VAV2: variants seen among roughly 807,000 people sequenced by gnomAD.
VAV2 encodes the protein guanine nucleotide exchange factor VAV2.
In VAV2, 67 loss-of-function variants were observed where a neutral mutation model predicts 132.5. The observed-to-expected ratio is 0.51, with a 90% CI of 0.42 to 0.62. The LOEUF (loss-of-function observed/expected upper bound fraction) is 0.62. Ranked by LOEUF, VAV2 falls within the 20% of genes least tolerant of loss-of-function variation. VAV2 has a pLI of 0.00. For synonymous variants in VAV2, 492 were observed against 443.5 expected (o/e 1.11, Z -1.37); for missense variants, 938 against 1,153.6 (o/e 0.81, Z 2.71).
chr9:133,834,445 CA>C lies in VAV2; in HGVS notation c.381-106del. On this transcript the variant is annotated intron_variant, in intron 3 of 29. Coordinates refer to ENST00000371850, the MANE Select transcript of VAV2 (RefSeq NM_001134398.2). The surrounding 1 kb of genome is among the most constrained non-coding windows in gnomAD (Gnocchi z 5.9). The stretch of plus-strand genomic sequence containing the variant: ...GAGCCCAGTGTGGCCCAGCCAGGAG[CA>C]AAGGGGCTCTTGTCCACTCTCTGGA... The C allele has an allele frequency of 8.6e-7, 1 of 1,168,844 alleles. No homozygotes were observed. The highest frequency in any genetic ancestry group is 1.2e-6 in the Non-Finnish European group (1 of 818,680). The allele number at this position is 1,168,844 out of a possible 1,614,324, so 72.4% of individuals were successfully genotyped here. A position where few individuals can be genotyped will look rare whatever the true frequency, so the allele number is the denominator to read the frequency against.
At chr9:133,968,328 T>C (rs1319327862) in intron 1 of VAV2, among the ~76,000 whole-genome samples, 1 of 152,130 alleles carries the variant, frequency 6.6e-6, no homozygotes, top group Non-Finnish European at 1.5e-5. Context: ...CAATGGCATA[T>C]GTGTATCAAA....
intron 13 of VAV2, 132 bp downstream of exon 13, chr9:133,791,651 G>A (rs925597013): frequency 3.1e-5 from 24 of 773,786 alleles, no homozygotes; most frequent in Non-Finnish European, 3.7e-5. Context: ...AGAAGTTGCC[G>A]GGCACCAGCC....
At chr9:133,778,615 G>T in intron 22 of VAV2, 147 bp downstream of exon 22, 1 of 1,292,922 alleles carries the variant, frequency 7.7e-7, no homozygotes, top group Non-Finnish European at 1.0e-6. Flanking sequence ...GAGAGGCCTT[G>T]CTAGGCCCCC....
At chr9:133,799,031 G>A (rs1290501694) in intron 9 of VAV2, among the ~76,000 whole-genome samples, 3 of 152,228 alleles carry the variant, frequency 2.0e-5, no homozygotes, top group Non-Finnish European at 2.9e-5. Flanking sequence ...TAGGGCACCC[G>A]GCCTGGGGCT....
intron 1 of VAV2, among the ~76,000 whole-genome samples, chr9:133,963,013 G>A (rs955020161): frequency 6.6e-6 from 1 of 152,124 alleles, no homozygotes; most frequent in South Asian, 2.1e-4. Flanking sequence ...TAATGTGATT[G>A]GGTACAGCTT....
chr9:133,792,667 GC>G (rs1834538457), intron 12 of VAV2, among the ~76,000 whole-genome samples: 1 of 84,916 alleles, frequency 1.2e-5, no homozygotes, highest in Non-Finnish European at 2.4e-5. Flanking sequence ...CAGGAGCTCA[GC>G]CCCCAAGGGA....
At chr9:133,954,306 G>A (rs1841671176) in intron 1 of VAV2, among the ~76,000 whole-genome samples, 1 of 152,206 alleles carries the variant, frequency 6.6e-6, no homozygotes, top group Admixed American at 6.5e-5. Context: ...AGGGCCTGCG[G>A]CCCTGCATGC....
chr9:133,960,006 A>G (rs183077545), intron 1 of VAV2, among the ~76,000 whole-genome samples: 1 of 152,196 alleles, frequency 6.6e-6, no homozygotes, highest in African/African-American at 2.4e-5. Flanking sequence ...GGCAGCCACA[A>G]AGCACACAGT....
intron 3 of VAV2, among the ~76,000 whole-genome samples, chr9:133,852,382 G>A (rs1167607822): frequency 6.6e-6 from 1 of 151,102 alleles, no homozygotes; most frequent in Non-Finnish European, 1.5e-5. Context: ...AAAGAAGGAA[G>A]GAAAGAAGGC....
At chr9:133,796,348 C>T (rs1834711640) in intron 11 of VAV2, 81 bp downstream of exon 11, 5 of 1,255,514 alleles carry the variant, frequency 4.0e-6, no homozygotes, top group African/African-American at 1.5e-5. Context: ...TGGGCTGCAA[C>T]CTATACCCCC....
chr9:133,809,183 C>A, intron 6 of VAV2, 45 bp from the exon 7 acceptor site: 1 of 1,526,308 alleles, frequency 6.6e-7, no homozygotes, highest in Non-Finnish European at 9.1e-7. Context: ...TGGGCCCGGC[C>A]ACCTGCCACC....
At chr9:133,923,630 C>T (rs1840371779) in intron 2 of VAV2, among the ~76,000 whole-genome samples, 1 of 152,192 alleles carries the variant, frequency 6.6e-6, no homozygotes, top group Non-Finnish European at 1.5e-5. Context: ...ACCCAGCCAT[C>T]CCATTACTGG....
In VAV2 at chr9:133,858,013, A is replaced by C. The variant is rs12555004; in HGVS notation, c.380+3361T>G. On this transcript the variant is annotated intron_variant, in intron 3 of 29. Transcript: ENST00000371850. The stretch of plus-strand genomic sequence containing the variant: ...TCCCCTTCGTCTCTCATGTCTGCCT[A>C]TCCTGTGTGCAGAAAGGGGTAACTG... Among the ~76,000 whole-genome samples the C allele has an allele frequency of 8.3e-3, 1,265 of 152,268 alleles. 34 individuals carry two copies. The highest frequency in any genetic ancestry group is 0.053 in the Admixed American group (809 of 15,298).
intron 1 of VAV2, among the ~76,000 whole-genome samples, chr9:133,967,802 G>A (rs1053747440): frequency 1.3e-5 from 2 of 151,882 alleles, no homozygotes; most frequent in Non-Finnish European, 2.9e-5. Flanking sequence ...ATGTGGTGGT[G>A]TGCACCTGTA....
intron 27 of VAV2, among the ~76,000 whole-genome samples, chr9:133,770,057 C>A (rs990221733): frequency 6.6e-6 from 1 of 152,226 alleles, no homozygotes; most frequent in African/African-American, 2.4e-5. Context: ...GGTGGGCCTG[C>A]CCTTTTCTCT....
chr9:133,982,434 A>G (rs1008408008), intron 1 of VAV2, among the ~76,000 whole-genome samples: 1 of 125,622 alleles, frequency 8.0e-6, no homozygotes, highest in African/African-American at 2.9e-5. Flanking sequence ...GAGGGGACCT[A>G]GGACGGGGCA....
intron 2 of VAV2, among the ~76,000 whole-genome samples, chr9:133,881,997 A>C (rs1258124327): frequency 6.6e-6 from 1 of 152,208 alleles, no homozygotes; most frequent in African/African-American, 2.4e-5. Context: ...GAGGGCGTCA[A>C]GGTTTCAACC....
chr9:133,856,070 T>C (rs942965254), intron 3 of VAV2, among the ~76,000 whole-genome samples: 2 of 152,162 alleles, frequency 1.3e-5, no homozygotes, highest in Non-Finnish European at 1.5e-5. Context: ...ACGCACCGTA[T>C]GATTCCATGG....
At chr9:133,988,149 A>T (rs983996189) in intron 1 of VAV2, among the ~76,000 whole-genome samples, 1 of 152,090 alleles carries the variant, frequency 6.6e-6, no homozygotes, top group African/African-American at 2.4e-5. Flanking sequence ...ATATGCCATG[A>T]CTGGCAGGGA....
Sources: allele counts gnomAD v4.1 joint callset (sites outside exome capture counted in the v4.1 genomes callset), GRCh38; gene constraint gnomAD v4.1.1; non-coding constraint Gnocchi (gnomAD v3.1); transcripts MANE v1.5; gene names NCBI Gene and HGNC (gene_info 2026-07-23, HGNC 2026-07-21).